The following STAG1 variants were observed in gnomAD, a reference collection of about 807,000 sequenced individuals.
STAG1 encodes the protein cohesin subunit SA-1.
STAG1 carries 26 observed loss-of-function variants against 170.9 expected under a neutral mutation model. The observed-to-expected ratio is 0.15, with a 90% CI of 0.11 to 0.21. STAG1 has a LOEUF of 0.21. Among genes scored for constraint, STAG1 ranks in the 10% least tolerant of loss-of-function variants. STAG1 has a pLI of 1.00. For missense variants in STAG1, 964 were observed against 1,509.5 expected (o/e 0.64, Z 5.99); for synonymous variants, 514 against 497.7 (o/e 1.03, Z -0.44).
rs59155124 is a variant in STAG1, at chr3:136,541,538, T to TCACACACACACACACACACA, written c.471+561_471+580dup. On this transcript the variant is annotated intron_variant, in intron 6 of 33. Coordinates refer to ENST00000383202, the MANE Select transcript of STAG1 (RefSeq NM_005862.3). ...AGTATCCCAAATAGAAGCTTAACAT[T>TCACACACACACACACACACA]CACACACACACACACACACACACAC... 4.1e-4 allele frequency among the ~76,000 whole-genome samples: 51 copies of TCACACACACACACACACACA among 123,212 alleles called. 3 individuals carry two copies. The highest frequency in any genetic ancestry group is 6.7e-4 in the Non-Finnish European group (39 of 57,886). 80.8% of individuals were successfully genotyped at this position (123,212 alleles called of 152,430 possible).
At chr3:136,397,159 GTTCT>G (rs2087187524) in intron 22 of STAG1, among the ~76,000 whole-genome samples, 1 of 151,986 alleles carries the variant, frequency 6.6e-6, no homozygotes, top group South Asian at 2.1e-4. Context: ...TCTTTATTTG[GTTCT>G]TTATCAAATG....
intron 16 of STAG1, among the ~76,000 whole-genome samples, chr3:136,426,086 T>G (rs2088113302): frequency 6.6e-6 from 1 of 151,144 alleles, no homozygotes; most frequent in Non-Finnish European, 1.5e-5. Context: ...TATTGGAAAA[T>G]TTTTTGGAGA....
intron 1 of STAG1, among the ~76,000 whole-genome samples, chr3:136,684,487 C>T (rs1318014228): frequency 6.6e-6 from 1 of 152,142 alleles, no homozygotes; most frequent in African/African-American, 2.4e-5. Context: ...CATTGGCTCG[C>T]GCCTGTAATT....
chr3:136,432,513 T>TG (rs2088334026), intron 16 of STAG1, among the ~76,000 whole-genome samples: 7 of 36,938 alleles, frequency 1.9e-4, no homozygotes, highest in Admixed American at 3.1e-4. Flanking sequence ...TTCTTTTTTT[T>TG]TGGGGGGGGG....
At chr3:136,487,789 T>G (rs1449677175) in intron 9 of STAG1, among the ~76,000 whole-genome samples, 1 of 152,206 alleles carries the variant, frequency 6.6e-6, no homozygotes, top group East Asian at 1.9e-4. Context: ...GTAAAGTATC[T>G]CTGATGAATA....
At chr3:136,405,182 C>T (rs983571197) in intron 21 of STAG1, among the ~76,000 whole-genome samples, 4 of 150,116 alleles carry the variant, frequency 2.7e-5, no homozygotes, top group African/African-American at 4.9e-5. Flanking sequence ...ATATGGCTTT[C>T]CCAAAGAGGA....
chr3:136,371,354 G>C (rs1436681275), intron 23 of STAG1, among the ~76,000 whole-genome samples: 3 of 151,990 alleles, frequency 2.0e-5, no homozygotes. Context: ...AAGCTCTTTA[G>C]TTTAATTAGA....
intron 5 of STAG1, among the ~76,000 whole-genome samples, chr3:136,567,875 C>T (rs1233913978): frequency 6.6e-6 from 1 of 152,162 alleles, no homozygotes. Context: ...TATCATGGCA[C>T]CAAGCCCTTT....
chr3:136,464,849 G>C (rs764160305), intron 13 of STAG1, 32 bp downstream of exon 13: 1 of 1,550,730 alleles, frequency 6.4e-7, no homozygotes, highest in South Asian at 1.2e-5. Context: ...ACATAGAAAA[G>C]TAGAACCGGT....
At chr3:136,552,083 C>T (rs141987798) in intron 5 of STAG1, among the ~76,000 whole-genome samples, 12 of 152,216 alleles carry the variant, frequency 7.9e-5, no homozygotes, top group African/African-American at 2.7e-4. Context: ...GTACACTCTA[C>T]CTAAAACAGT....
At chr3:136,445,709 G>C (rs1212997020) in intron 14 of STAG1, among the ~76,000 whole-genome samples, 1 of 152,072 alleles carries the variant, frequency 6.6e-6, no homozygotes, top group East Asian at 1.9e-4. Context: ...CATATATTTG[G>C]CAGATTATAC....
intron 9 of STAG1, among the ~76,000 whole-genome samples, chr3:136,499,379 C>G (rs1933342223): frequency 6.6e-6 from 1 of 152,070 alleles, no homozygotes. Flanking sequence ...GAGATGCAGT[C>G]TTTAACTCCT....
At chr3:136,474,294 A>G (rs982258852) in intron 10 of STAG1, among the ~76,000 whole-genome samples, 9 of 152,250 alleles carry the variant, frequency 5.9e-5, no homozygotes, top group African/African-American at 2.2e-4. Flanking sequence ...ATCCTCTGAA[A>G]GAAGCTATGT....
chr3:136,595,152 A>G lies in STAG1; in HGVS notation c.297+9157T>C, dbSNP rs75883844. Reference sequence around the variant, plus strand: ...TACAGAAATTAACAAGCTCTTACTCATAACTACTAAAGCAAAAAATATCAC... The same window carrying G: ...TACAGAAATTAACAAGCTCTTACTCGTAACTACTAAAGCAAAAAATATCAC... On this transcript the variant is annotated intron_variant, in intron 4 of 33. Transcript: ENST00000383202. 3.4e-3 allele frequency among the ~76,000 whole-genome samples: 513 copies of G among 152,312 alleles called. 3 individuals carry two copies. Among genetic ancestry groups the G allele is most frequent in the Non-Finnish European group, 5.9e-3 (403 of 68,018 alleles).
At chr3:136,444,642 C>T (rs751800433) in intron 14 of STAG1, among the ~76,000 whole-genome samples, 11 of 152,160 alleles carry the variant, frequency 7.2e-5, no homozygotes, top group Admixed American at 1.3e-4. Flanking sequence ...GTGCATAGCA[C>T]ATAGAAAGGG....
rs371110659 is a variant in STAG1 at position 136,457,488 on chromosome 3, C to T, written c.1314-5341G>A. ...CTCACCACCTGCTTCTTTCTTTCATCACCAATAAATAGTGTGGGCTCCCAG... is the reference window on the plus strand; with the variant it reads ...CTCACCACCTGCTTCTTTCTTTCATTACCAATAAATAGTGTGGGCTCCCAG... On this transcript the variant is annotated intron_variant, in intron 13 of 33. Transcript: ENST00000383202. Among the ~76,000 whole-genome samples, 6 of 152,304 alleles carry T rather than the reference C, an allele frequency of 3.9e-5. No individual in the cohort carries two copies. In the East Asian group the frequency reaches 1.2e-3, roughly 29 times the overall value.
chr3:136,673,315 T>C (rs1942033649), intron 1 of STAG1, among the ~76,000 whole-genome samples: 3 of 152,170 alleles, frequency 2.0e-5, no homozygotes, highest in African/African-American at 7.2e-5. Context: ...TGACAATTCT[T>C]AGTTATAGTT....
chr3:136,747,667 G>C lies in STAG1; in HGVS notation c.-84+4528C>G, dbSNP rs144734428. Among the ~76,000 whole-genome samples, 18 of 152,148 alleles carry C rather than the reference G, an allele frequency of 1.2e-4. 1 individual carries two copies. The East Asian group carries it at 3.1e-3, about 26-fold the overall frequency. On this transcript the variant is annotated intron_variant, in intron 1 of 33. Transcript: ENST00000383202. ...TGCACTCCAGCCTGAGTGACAGAGA[G>C]AGACCCTGTCTCAAAAAATAAAAAA...
intron 16 of STAG1, among the ~76,000 whole-genome samples, chr3:136,431,104 A>T (rs987428842): frequency 6.6e-6 from 1 of 151,554 alleles, no homozygotes; most frequent in Non-Finnish European, 1.5e-5. Context: ...GGGTTTCGCC[A>T]TGTTGGCCAG....
Sources: allele counts gnomAD v4.1 joint callset (sites outside exome capture counted in the v4.1 genomes callset), GRCh38; gene constraint gnomAD v4.1.1; transcripts MANE v1.5; gene names NCBI Gene and HGNC (gene_info 2026-07-23, HGNC 2026-07-21).